Variants in RBM34 observed in about 807,000 individuals in gnomAD.
RBM34 encodes RNA-binding protein 34.
Under a neutral mutation model 44.6 loss-of-function variants are expected in RBM34, and 39 were observed. That is an observed-to-expected ratio of 0.87 (90% CI 0.68 to 1.14). The LOEUF (loss-of-function observed/expected upper bound fraction) is 1.14. RBM34 is among the 50% of genes most tolerant of loss of function. The pLI is 0.00. For synonymous variants in RBM34, 194 were observed against 184.0 expected (o/e 1.05, Z -0.44); for missense variants, 572 against 517.9 (o/e 1.10, Z -1.01).
In RBM34 at chr1:235,131,924, C is replaced by A. The variant is rs761837567; in HGVS notation, c.1082G>T (p.Arg361Leu). ...TTTAAATTTTTCTTTATTAACAGAA[C>A]GCATGACTCTGAGTTTTCTCCCCAT... ...ELMGRKLRVM[R>L]SVNKEKFKQQ... Residue 361 changes from arginine to leucine, a missense_variant, in exon 11 of 11, where the codon CGT (arginine) becomes CTT (leucine). Coordinates refer to ENST00000408888, the MANE Select transcript of RBM34 (RefSeq NM_015014.4). 30 of 1,612,996 alleles carry A rather than the reference C, an allele frequency of 1.9e-5. No individual in the cohort carries two copies. In the Middle Eastern group the frequency reaches 4.0e-3, roughly 213 times the overall value.
In RBM34 at chr1:235,148,899, A is replaced by G. The variant is rs1043926066; in HGVS notation, c.658-452T>C. Among the ~76,000 whole-genome samples the G allele has an allele frequency of 1.1e-3, 164 of 151,842 alleles. 1 individual carries two copies. Among genetic ancestry groups the G allele is most frequent in the African/African-American group, 3.9e-3 (161 of 41,410 alleles). ...AAACATGAGCCACCACGGCTGGCCA[A>G]TCATCTTAATGCTATATGAAACGAA... is the stretch of plus-strand genomic sequence containing the variant. On this transcript the variant is annotated intron_variant, in intron 5 of 10. Coordinates refer to ENST00000408888, the MANE Select transcript of RBM34 (RefSeq NM_015014.4).
intron 6 of RBM34, among the ~76,000 whole-genome samples, chr1:235,141,700 T>C (rs1256088809): frequency 2.6e-5 from 4 of 152,128 alleles, no homozygotes; most frequent in Admixed American, 2.0e-4. Flanking sequence ...ATCTGCAGCT[T>C]CACTCCTGAA....
chr1:235,155,822 C>CATATATATATATATAT (rs1172462826), intron 3 of RBM34, among the ~76,000 whole-genome samples: 77 of 64,040 alleles, frequency 1.2e-3, no homozygotes, highest in Non-Finnish European at 1.4e-3. Context: ...CATACATATA[C>CATATATATATATATAT]ATATATATAT....
At position 235,154,950 on chromosome 1, in the gene RBM34, T is replaced by G; in HGVS notation, c.528A>C (p.Gln176His). ...TCTCATTCTTTAATCTCTCTTCTTC[T>G]TGGTTGATTTGAATTTTCTTTCTTT... ...VSQRKKIQIN[Q>H]EEERLKNERT... Residue 176 changes from glutamine (Q) to histidine (H), a missense_variant, in exon 4 of 11, where the codon CAA (glutamine) becomes CAC (histidine). Transcript: ENST00000408888. The G allele has an allele frequency of 1.2e-6, 2 of 1,614,118 alleles. No homozygotes were observed. Among genetic ancestry groups the G allele is most frequent in the Non-Finnish European group, 1.7e-6 (2 of 1,180,014 alleles).
chr1:235,157,160 TA>T, intron 3 of RBM34, among the ~76,000 whole-genome samples: 1 of 152,136 alleles, frequency 6.6e-6, no homozygotes, highest in South Asian at 2.1e-4. Context: ...TGAGAGCATC[TA>T]AAAAAGATCA....
intron 2 of RBM34, 84 bp from the exon 3 acceptor site, chr1:235,160,731 G>A (rs1181764335): frequency 6.5e-7 from 1 of 1,532,530 alleles, no homozygotes; most frequent in South Asian, 1.2e-5. Context: ...TTCTAAATGA[G>A]AATCTCTTCT....
At chr1:235,144,616 G>C (rs1572153580) in intron 6 of RBM34, among the ~76,000 whole-genome samples, 1 of 152,084 alleles carries the variant, frequency 6.6e-6, no homozygotes, top group Non-Finnish European at 1.5e-5. Flanking sequence ...GTGTGGTGGT[G>C]TGCACCTGTA....
At chr1:235,159,293 T>G (rs1662587517) in intron 3 of RBM34, among the ~76,000 whole-genome samples, 1 of 151,410 alleles carries the variant, frequency 6.6e-6, no homozygotes, top group African/African-American at 2.4e-5. Flanking sequence ...GGCTCACGTA[T>G]GTAATCCCAG....
At chr1:235,136,587 C>T (rs1170139364) in intron 8 of RBM34, among the ~76,000 whole-genome samples, 1 of 152,194 alleles carries the variant, frequency 6.6e-6, no homozygotes. Context: ...GGCTTTCATC[C>T]AGGTCGTTGT....
At chr1:235,151,266 T>A (rs1195420391) in intron 5 of RBM34, among the ~76,000 whole-genome samples, 3 of 152,032 alleles carry the variant, frequency 2.0e-5, no homozygotes, top group Non-Finnish European at 4.4e-5. Flanking sequence ...TGCCACTAAA[T>A]ACCACAGAAA....
intron 8 of RBM34, among the ~76,000 whole-genome samples, chr1:235,136,291 C>T (rs1180411587): frequency 2.0e-5 from 3 of 152,320 alleles, no homozygotes; most frequent in South Asian, 2.1e-4. Context: ...ACAGCTGGCA[C>T]TGACACACGG....
intron 3 of RBM34, among the ~76,000 whole-genome samples, chr1:235,159,212 CAA>C (rs1352095926): frequency 6.9e-4 from 58 of 84,516 alleles, no homozygotes; most frequent in Admixed American, 7.6e-4. Flanking sequence ...GACCTTGTCT[CAA>C]AAAAAAAAAA....
At chr1:235,146,114 A>G (rs1162662563) in intron 6 of RBM34, among the ~76,000 whole-genome samples, 1 of 151,688 alleles carries the variant, frequency 6.6e-6, no homozygotes, top group Non-Finnish European at 1.5e-5. Flanking sequence ...AGTGCACAGC[A>G]TCATGCCCAG....
intron 6 of RBM34, among the ~76,000 whole-genome samples, chr1:235,145,670 T>C (rs1283739199): frequency 2.0e-5 from 3 of 152,148 alleles, no homozygotes; most frequent in South Asian, 2.1e-4. Flanking sequence ...GCAGTCAAAA[T>C]TGTGAATGCA....
At chr1:235,138,019 C>T in intron 7 of RBM34, 72 bp downstream of exon 7, 1 of 1,534,988 alleles carries the variant, frequency 6.5e-7, no homozygotes, top group Non-Finnish European at 8.9e-7. Context: ...AAAGTGAAAC[C>T]AAAGAATAAA....
intron 3 of RBM34, among the ~76,000 whole-genome samples, chr1:235,156,216 C>T: frequency 6.6e-6 from 1 of 151,720 alleles, no homozygotes; most frequent in Admixed American, 6.6e-5. Flanking sequence ...GTTGCCCAGG[C>T]TGGTCTTGAA....
Position 235,131,579 on chromosome 1 carries a change from G to T in RBM34, c.*134C>A. ...ATGTGAATAAACTGAGAATGTGGAAGTCTCCACATTTCACATACACCATCC... is the reference window on the plus strand; with the variant it reads ...ATGTGAATAAACTGAGAATGTGGAATTCTCCACATTTCACATACACCATCC... On this transcript the variant is annotated 3_prime_UTR_variant, in exon 11 of 11. Coordinates refer to ENST00000408888, the MANE Select transcript of RBM34 (RefSeq NM_015014.4). The T allele has an allele frequency of 4.1e-6, 4 of 967,794 alleles. No homozygotes were observed. Among genetic ancestry groups the T allele is most frequent in the Non-Finnish European group, 6.1e-6 (4 of 658,262 alleles). The allele number at this position is 967,794 out of a possible 1,614,324, so 60.0% of individuals were successfully genotyped here.
In RBM34 at chr1:235,134,814, G is replaced by A. The variant is rs369835473; in HGVS notation, c.1008+838C>T. ...GGCTGGAGTGCAATGGAGCAATCTC[G>A]GCTCACCGCAACCTCTGCCTCCCGG... On this transcript the variant is annotated intron_variant, in intron 10 of 10. Transcript: ENST00000408888. 1.5e-3 allele frequency among the ~76,000 whole-genome samples: 228 copies of A among 149,478 alleles called. 1 individual carries two copies. Among genetic ancestry groups the A allele is most frequent in the African/African-American group, 5.4e-3 (220 of 40,430 alleles).
At chr1:235,138,206 AAGAG>A (rs764161019) in intron 6 of RBM34, 32 bp from the exon 7 acceptor site, 8 of 1,526,256 alleles carry the variant, frequency 5.2e-6, no homozygotes, top group Non-Finnish European at 5.3e-6. Context: ...AAAGAAAGAA[AAGAG>A]AGACAAGGTA....
Sources: gnomAD v4.1 joint callset for allele counts (sites outside exome capture counted in the v4.1 genomes callset) on GRCh38, gnomAD v4.1.1 for gene constraint, MANE v1.5 for transcripts, NCBI Gene and HGNC (gene_info 2026-07-23, HGNC 2026-07-21) for gene names.